The following AFAP1 variants were observed in gnomAD, a reference collection of about 807,000 sequenced individuals.
The protein encoded by AFAP1 is actin filament-associated protein 1.
AFAP1 carries 75 observed loss-of-function variants against 93.9 expected under a neutral mutation model. That is an observed-to-expected ratio of 0.80 (90% confidence interval 0.66 to 0.97). The LOEUF (loss-of-function observed/expected upper bound fraction) is 0.97. Among genes scored for constraint, AFAP1 ranks in the 50% least tolerant of loss-of-function variants. The pLI is 0.00. For missense variants in AFAP1, 1,201 were observed against 1,050.8 expected, an observed-to-expected ratio of 1.14 and a Z score of -1.98; for synonymous variants, 517 against 430.7, an observed-to-expected ratio of 1.20 and a Z score of -2.48.
rs895026302 is a variant in AFAP1, at chr4:7,927,752, T to A, written c.-3+11904A>T. On this transcript the variant is annotated intron_variant, in intron 1 of 17. Transcript: ENST00000420658. Reference sequence around the variant, plus strand: ...AAAATAGCTGGAATACAGACTTAACTATGCAGAATGGTTACTTCTAGAGAA... The same window carrying A: ...AAAATAGCTGGAATACAGACTTAACAATGCAGAATGGTTACTTCTAGAGAA... Among the ~76,000 whole-genome samples, 32 of 152,314 alleles carry A rather than the reference T, an allele frequency of 2.1e-4. No homozygotes were observed. The Middle Eastern group carries it at 0.014, about 65-fold the overall frequency.
intron 7 of AFAP1, among the ~76,000 whole-genome samples, chr4:7,818,280 T>C (rs778776079): frequency 5.9e-5 from 9 of 152,152 alleles, no homozygotes; most frequent in Non-Finnish European, 1.2e-4. Flanking sequence ...ACACTGCAGG[T>C]TTCAGACTTG....
At chr4:7,850,595 A>G (rs180729522) in intron 4 of AFAP1, among the ~76,000 whole-genome samples, 1 of 152,354 alleles carries the variant, frequency 6.6e-6, no homozygotes, top group East Asian at 1.9e-4. Context: ...GCTACAGGAG[A>G]AACTGAGGAA....
chr4:7,779,385 G>A (rs1458236387), intron 13 of AFAP1, among the ~76,000 whole-genome samples: 1 of 152,190 alleles, frequency 6.6e-6, no homozygotes, highest in Non-Finnish European at 1.5e-5. Context: ...GGAAGCAAGA[G>A]AAGCATAACA....
At chr4:7,796,919 A>C (rs1718481832) in intron 10 of AFAP1, among the ~76,000 whole-genome samples, 1 of 150,882 alleles carries the variant, frequency 6.6e-6, no homozygotes, top group South Asian at 2.1e-4. Context: ...AAAATTAGCC[A>C]GGTGTGGTGG....
chr4:7,769,854 G>A (rs1026095259), intron 16 of AFAP1, among the ~76,000 whole-genome samples: 1 of 152,254 alleles, frequency 6.6e-6, no homozygotes, highest in African/African-American at 2.4e-5. Flanking sequence ...ACAATCCCCA[G>A]GCAGCCAACT....
chr4:7,809,602 G>A lies in AFAP1; in HGVS notation c.1054+12C>T. On this transcript the variant is annotated intron_variant, in intron 9 of 17. Coordinates refer to ENST00000420658, the MANE Select transcript of AFAP1 (RefSeq NM_001134647.2). ...GGTGCACGCTGCTCGTCTCCGGGAA[G>A]CGCAGTCTTACCGCAGGTGGGAACA... The A allele has an allele frequency of 3.1e-6, 5 of 1,609,316 alleles. No individual in the cohort carries two copies. The highest frequency in any genetic ancestry group is 4.2e-6 in the Non-Finnish European group (5 of 1,177,626).
chr4:7,849,757 A>G lies in AFAP1; in HGVS notation c.334+5709T>C, dbSNP rs117161465. Among the ~76,000 whole-genome samples the G allele has an allele frequency of 3.0e-4, 46 of 152,332 alleles. No individual in the cohort carries two copies. In the East Asian group the frequency reaches 6.6e-3, roughly 22 times the overall value. ...GGCAAGGCATTTGGAGTGCAGAGAA[A>G]GGTTCTCCATCTCACATCCTCACTT... On this transcript the variant is annotated intron_variant, in intron 4 of 17. Transcript: ENST00000420658.
intron 4 of AFAP1, among the ~76,000 whole-genome samples, chr4:7,854,013 C>T (rs1304751997): frequency 6.6e-6 from 1 of 152,170 alleles, no homozygotes; most frequent in African/African-American, 2.4e-5. Context: ...CAACAGCCCC[C>T]AAAATCAAAC....
At position 7,816,299 on chromosome 4, in the gene AFAP1, G is replaced by GA. The variant is rs1209899960; in HGVS notation, c.823-201dup. On this transcript the variant is annotated intron_variant, in intron 7 of 17. Coordinates refer to ENST00000420658, the MANE Select transcript of AFAP1 (RefSeq NM_001134647.2). ...ACCGCTTTAAAAACATCCAGAGGGG[G>GA]AAAAAAAAAGAAAAACCTCACTGAG... is the stretch of plus-strand genomic sequence containing the variant. Among the ~76,000 whole-genome samples, 634 of 148,636 alleles carry GA rather than the reference G, an allele frequency of 4.3e-3. 4 individuals are homozygous for GA. Among genetic ancestry groups the GA allele is most frequent in the African/African-American group, 0.015 (599 of 40,500 alleles).
In AFAP1 at chr4:7,808,919, T is replaced by C. The variant is rs1038848577; in HGVS notation, c.1054+695A>G. Among the ~76,000 whole-genome samples the C allele has an allele frequency of 8.6e-4, 131 of 152,202 alleles. 2 individuals carry two copies. Among genetic ancestry groups the C allele is most frequent in the Admixed American group, 2.6e-4 (4 of 15,294 alleles). On this transcript the variant is annotated intron_variant, in intron 9 of 17. Transcript: ENST00000420658. ...GAGGCCTCATCACAAGCTGCGCAGA[T>C]GCTGGCACCATACTTGTATAGCCTG...
chr4:7,846,348 G>T (rs1196935012), intron 4 of AFAP1, among the ~76,000 whole-genome samples: 1 of 152,188 alleles, frequency 6.6e-6, no homozygotes, highest in East Asian at 1.9e-4. Flanking sequence ...AGCGTGGCTA[G>T]AACAAGGGTA....
At chr4:7,893,934 G>A (rs1395582935) in intron 1 of AFAP1, among the ~76,000 whole-genome samples, 1 of 152,074 alleles carries the variant, frequency 6.6e-6, no homozygotes, top group African/African-American at 2.4e-5. Context: ...CGCCTCCCTC[G>A]CCTCTACCCA....
At chr4:7,858,324 A>T (rs372236259) in intron 3 of AFAP1, among the ~76,000 whole-genome samples, 1 of 152,228 alleles carries the variant, frequency 6.6e-6, no homozygotes, top group East Asian at 1.9e-4. Flanking sequence ...TGTCATTTTA[A>T]AAATCATTTT....
rs141284577 is a variant in AFAP1, at chr4:7,793,804, C to A, written c.1289G>T (p.Gly430Val). The A allele has an allele frequency of 6.4e-7, 1 of 1,554,044 alleles. No homozygotes were observed. Among genetic ancestry groups the A allele is most frequent in the South Asian group, 1.2e-5 (1 of 84,680 alleles). ...VLEASSSEDM[G>V]RWIGILLAET... ...TGCGAGTAAAATCCCAATCCACCTGCCCATGTCTTCAGAAGAAGATGCCTG... is the reference window on the plus strand; with the variant it reads ...TGCGAGTAAAATCCCAATCCACCTGACCATGTCTTCAGAAGAAGATGCCTG... The change falls in exon 11 of 18, where the codon GGC (glycine) becomes GTC (valine). Residue 430 changes from glycine (G) to valine (V), a missense_variant. By Grantham distance (109) the Gly-to-Val change is moderately radical. Transcript: ENST00000420658.
At chr4:7,823,137 T>C (rs1721121596) in intron 6 of AFAP1, among the ~76,000 whole-genome samples, 1 of 152,080 alleles carries the variant, frequency 6.6e-6, no homozygotes, top group African/African-American at 2.4e-5. Context: ...CCTCCACACA[T>C]GCCCACAGAG....
At chr4:7,859,019 C>T (rs1715382887) in intron 3 of AFAP1, among the ~76,000 whole-genome samples, 2 of 152,358 alleles carry the variant, frequency 1.3e-5, no homozygotes, top group South Asian at 2.1e-4. Flanking sequence ...TCACTCAACT[C>T]TCCGTCACTA....
Position 7,774,660 on chromosome 4 carries a change from T to C in AFAP1, c.2062+79A>G, listed in dbSNP as rs989950212. On this transcript the variant is annotated intron_variant, in intron 15 of 17. Coordinates refer to ENST00000420658, the MANE Select transcript of AFAP1 (RefSeq NM_001134647.2). ...AATGACAGCCTTGGTGAGCAATAGG[T>C]CCTTTGGGCAAAGCAGAATGAAATC... 5.1e-5 allele frequency: 79 copies of C among 1,537,484 alleles called. No individual in the cohort carries two copies. The African/African-American group carries it at 1.0e-3, about 19-fold the overall frequency.
At chr4:7,804,330 T>A (rs1215708013) in intron 9 of AFAP1, among the ~76,000 whole-genome samples, 1 of 152,246 alleles carries the variant, frequency 6.6e-6, no homozygotes, top group Non-Finnish European at 1.5e-5. Context: ...CAGATAGAAC[T>A]GATTTTATTT....
chr4:7,829,591 G>A (rs1373563458), intron 6 of AFAP1, among the ~76,000 whole-genome samples: 1 of 152,198 alleles, frequency 6.6e-6, no homozygotes, highest in Non-Finnish European at 1.5e-5. Context: ...TGATACAACT[G>A]TAGGCTCTTA....
Sources: allele counts gnomAD v4.1 joint callset (sites outside exome capture counted in the v4.1 genomes callset), GRCh38; gene constraint gnomAD v4.1.1; transcripts MANE v1.5; gene names NCBI Gene and HGNC (gene_info 2026-07-23, HGNC 2026-07-21).